The following CMYA5 variants were observed in gnomAD, a reference collection of about 807,000 sequenced individuals.
CMYA5 encodes the protein cardiomyopathy-associated protein 5.
A neutral mutation model predicts 318.9 loss-of-function variants in CMYA5; 246 were observed. That is an observed-to-expected ratio of 0.77 (90% CI 0.70 to 0.86). The LOEUF (loss-of-function observed/expected upper bound fraction) is 0.86. CMYA5 is among the 40% of genes least tolerant of loss of function. The pLI is 0.00. For synonymous variants in CMYA5, 1,641 were observed against 1,729.5 expected, an observed-to-expected ratio of 0.95 and a Z score of 1.27; for missense variants, 4,589 against 4,678.2, an observed-to-expected ratio of 0.98 and a Z score of 0.56.
At position 79,732,727 on chromosome 5, in the gene CMYA5, C is replaced by G. The variant is rs751984124; in HGVS notation, c.3962C>G (p.Ser1321Ter). 6.2e-7 allele frequency: 1 copy of G among 1,613,530 alleles called. No individual in the cohort carries two copies. Among genetic ancestry groups the G allele is most frequent in the Non-Finnish European group, 8.5e-7 (1 of 1,179,784 alleles). Reference sequence around the variant, plus strand: ...CCTATAGTGCTTCATTCAGCTTCCTCAGGAGTGGAAAAGCAAGTTGAACAT... The same window carrying G: ...CCTATAGTGCTTCATTCAGCTTCCTGAGGAGTGGAAAAGCAAGTTGAACAT... ...TTPIVLHSAS[S>*]GVEKQVEHGP... is the part of the protein sequence containing the mutation. Residue 1321 changes from serine to a stop codon, truncating the protein, a stop_gained, in exon 2 of 13, where the codon TCA becomes TGA. Transcript: ENST00000446378. LOFTEE classifies it high-confidence loss of function.
In CMYA5 at chr5:79,747,187, A is replaced by C. The variant is rs367563985; in HGVS notation, c.10991+74A>C. 9.4e-5 allele frequency: 133 copies of C among 1,412,492 alleles called. 2 individuals are homozygous for C. In the South Asian group the frequency reaches 1.7e-3, roughly 19 times the overall value. 87.5% of individuals were successfully genotyped at this position (1,412,492 alleles called of 1,614,324 possible). A position where few individuals can be genotyped will look rare whatever the true frequency, so the allele number is the denominator to read the frequency against. On this transcript the variant is annotated intron_variant, in intron 5 of 12. Transcript: ENST00000446378. ...TTGCTTTTTAATATTTTGGTGCTTT[A>C]TGGAAAATGAGCTGCCAATTAAAAA...
rs772406636 is a variant in CMYA5 at position 79,763,075 on chromosome 5, T to C, written c.11421T>C (p.Pro3807=). 3.1e-6 allele frequency: 5 copies of C among 1,613,568 alleles called. No individual in the cohort carries two copies. Among genetic ancestry groups the C allele is most frequent in the Middle Eastern group, 1.6e-4 (1 of 6,068 alleles). Residue 3807 remains proline (P), a synonymous_variant, in exon 9 of 13, where the codon CCT becomes CCC. Coordinates refer to ENST00000446378, the MANE Select transcript of CMYA5 (RefSeq NM_153610.5). ...CTCTTTCTGCAGCACCCTCCACCCC[T>C]GTGATCCGCGCTGAGGACTGTACTG... is the stretch of plus-strand genomic sequence containing the variant. The part of the protein sequence containing the change: ...RAIFRTAPST[P]VIRAEDCTVC...
In CMYA5 at chr5:79,773,893, C is replaced by T. The variant is rs1828896234; in HGVS notation, c.11555+10684C>T. 2.0e-5 allele frequency among the ~76,000 whole-genome samples: 3 copies of T among 151,958 alleles called. No individual in the cohort carries two copies. In the South Asian group the frequency reaches 6.2e-4, roughly 32 times the overall value. ...AAAGCTCTGGTATGGTGTAGGAAGA[C>T]AAGTTGAAAGGAAATGAAAAACAAA... On this transcript the variant is annotated intron_variant, in intron 9 of 12. Coordinates refer to ENST00000446378, the MANE Select transcript of CMYA5 (RefSeq NM_153610.5).
Position 79,735,515 on chromosome 5 carries a change from A to G in CMYA5, c.6750A>G (p.Arg2250=). Residue 2250 remains arginine, a synonymous_variant, in exon 2 of 13, where the codon AGA becomes AGG. Transcript: ENST00000446378. ...EVKLKTADEP[R]GTLVKSGDGQ... ...AACTTAAAACTGCTGATGAACCCAG[A>G]GGTACTTTAGTAAAATCTGGTGACG... 6.2e-7 allele frequency: 1 copy of G among 1,613,304 alleles called. No homozygotes were observed. The highest frequency in any genetic ancestry group is 2.2e-5 in the East Asian group (1 of 44,872).
chr5:79,709,081 T>G (rs1464558188), intron 1 of CMYA5, among the ~76,000 whole-genome samples: 2 of 152,138 alleles, frequency 1.3e-5, no homozygotes, highest in Non-Finnish European at 2.9e-5. Flanking sequence ...GACACTTTGG[T>G]TTTCTACAAA....
Position 79,737,821 on chromosome 5 carries a change from A to G in CMYA5, c.9056A>G (p.Asn3019Ser), listed in dbSNP as rs1233353857. 1.1e-5 allele frequency: 17 copies of G among 1,605,852 alleles called. No homozygotes were observed. Among genetic ancestry groups the G allele is most frequent in the Non-Finnish European group, 1.4e-5 (17 of 1,177,996 alleles). Reference sequence around the variant, plus strand: ...GAAAAAGTTACCCCATTGAAAGAAAATAAACAAAAGGAAACTCATAAGACA... The same window carrying G: ...GAAAAAGTTACCCCATTGAAAGAAAGTAAACAAAAGGAAACTCATAAGACA... ...EDEKVTPLKE[N>S]KQKETHKTKE... The change falls in exon 2 of 13, where the codon AAT becomes AGT. Residue 3019 changes from asparagine (N) to serine (S), a missense_variant. This residue lies in a region of CMYA5 where 2,431 missense variants were observed against 2,495.1 expected (regional missense o/e 0.97). Coordinates refer to ENST00000446378, the MANE Select transcript of CMYA5 (RefSeq NM_153610.5).
intron 9 of CMYA5, among the ~76,000 whole-genome samples, chr5:79,768,315 G>A (rs1429798885): frequency 1.3e-5 from 2 of 152,042 alleles, no homozygotes; most frequent in African/African-American, 4.8e-5. Flanking sequence ...GGTTAATATT[G>A]TTTTATGTGA....
At position 79,738,200 on chromosome 5, in the gene CMYA5, G is replaced by A. The variant is rs1580776748; in HGVS notation, c.9435G>A (p.Lys3145=). 6.2e-7 allele frequency: 1 copy of A among 1,613,890 alleles called. No homozygotes were observed. Among genetic ancestry groups the A allele is most frequent in the African/African-American group, 1.3e-5 (1 of 75,044 alleles). Residue 3145 remains lysine, a synonymous_variant, in exon 2 of 13, where the codon AAG becomes AAA. Transcript: ENST00000446378. The stretch of plus-strand genomic sequence containing the variant: ...ACAGGAATGTTTCAAAGGACACAAA[G>A]AGAGATGTGGACTCAAAGTCACCGG... ...SADRNVSKDT[K]RDVDSKSPGM...
At position 79,739,049 on chromosome 5, in the gene CMYA5, T is replaced by A. The variant is rs765855845; in HGVS notation, c.10284T>A (p.His3428Gln). 1 of 1,613,910 alleles carries A rather than the reference T, an allele frequency of 6.2e-7. No individual in the cohort carries two copies. The highest frequency in any genetic ancestry group is 8.5e-7 in the Non-Finnish European group (1 of 1,179,858). Residue 3428 changes from histidine (H) to glutamine (Q), a missense_variant, in exon 2 of 13, where the codon CAT becomes CAA. This residue lies in a region of CMYA5 where 2,431 missense variants were observed against 2,495.1 expected (regional missense o/e 0.97). Transcript: ENST00000446378. ...QDEYEFTESL[H>Q]NEVVPQDILS... Reference sequence around the variant, plus strand: ...AGTATGAATTTACAGAATCCCTGCATAATGAAGTGGTTCCTCAAGACATAT... The same window carrying A: ...AGTATGAATTTACAGAATCCCTGCAAAATGAAGTGGTTCCTCAAGACATAT...
At chr5:79,699,344 A>G (rs1827133570) in intron 1 of CMYA5, among the ~76,000 whole-genome samples, 1 of 152,140 alleles carries the variant, frequency 6.6e-6, no homozygotes, top group African/African-American at 2.4e-5. Context: ...TTGTGCCAAG[A>G]TAATAAAGGG....
At chr5:79,740,682 C>T (rs1828192069) in intron 2 of CMYA5, among the ~76,000 whole-genome samples, 1 of 152,126 alleles carries the variant, frequency 6.6e-6, no homozygotes, top group African/African-American at 2.4e-5. Context: ...ATAAATACTC[C>T]ACTTCCCTGA....
At chr5:79,716,761 G>T (rs931294161) in intron 1 of CMYA5, among the ~76,000 whole-genome samples, 1 of 152,100 alleles carries the variant, frequency 6.6e-6, no homozygotes, top group African/African-American at 2.4e-5. Flanking sequence ...TACAGGTGAG[G>T]GCTTAGGTAA....
chr5:79,701,821 C>T (rs1307774188), intron 1 of CMYA5, among the ~76,000 whole-genome samples: 1 of 152,106 alleles, frequency 6.6e-6, no homozygotes, highest in African/African-American at 2.4e-5. Flanking sequence ...ACCCAAATGT[C>T]CATTAACTAA....
chr5:79,703,304 C>T (rs942736206), intron 1 of CMYA5, among the ~76,000 whole-genome samples: 1 of 152,136 alleles, frequency 6.6e-6, no homozygotes, highest in African/African-American at 2.4e-5. Flanking sequence ...ACAGATAAAA[C>T]CATATGAGGT....
intron 1 of CMYA5, among the ~76,000 whole-genome samples, chr5:79,727,136 A>G (rs932630834): frequency 6.6e-6 from 1 of 152,072 alleles, no homozygotes; most frequent in East Asian, 1.9e-4. Flanking sequence ...GGCTGGTCTC[A>G]AACTCCTGAC....
chr5:79,785,378 A>G (rs745669204), intron 9 of CMYA5, among the ~76,000 whole-genome samples: 12 of 152,124 alleles, frequency 7.9e-5, no homozygotes, highest in Non-Finnish European at 1.6e-4. Flanking sequence ...TTTATAGATT[A>G]ACTTAGGGAG....
Position 79,734,424 on chromosome 5 carries a change from A to AT in CMYA5, c.5662dup (p.Ser1888PhefsTer5). The AT allele has an allele frequency of 6.2e-7, 1 of 1,613,722 alleles. No individual in the cohort carries two copies. Among genetic ancestry groups the AT allele is most frequent in the Non-Finnish European group, 8.5e-7 (1 of 1,179,768 alleles). On this transcript the variant is annotated frameshift_variant, in exon 2 of 13. Transcript: ENST00000446378. LOFTEE classifies it high-confidence loss of function. Reference sequence around the variant, plus strand: ...AGAAACAAAAATGGAAGAATTCTTTATTTCTCCAAAGGATGAAAACTGGAT... The same window carrying AT: ...AGAAACAAAAATGGAAGAATTCTTTATTTTCTCCAAAGGATGAAAACTGGAT...
chr5:79,702,619 G>A (rs1827194660), intron 1 of CMYA5, among the ~76,000 whole-genome samples: 1 of 152,134 alleles, frequency 6.6e-6, no homozygotes, highest in African/African-American at 2.4e-5. Flanking sequence ...AAGGGATTAG[G>A]GGTGATGCTT....
chr5:79,710,086 C>T (rs568703149), intron 1 of CMYA5, among the ~76,000 whole-genome samples: 2 of 150,888 alleles, frequency 1.3e-5, no homozygotes, highest in African/African-American at 4.9e-5. Flanking sequence ...TTATATATTC[C>T]TACTAACAGT....
Sources: gnomAD v4.1 joint callset for allele counts (sites outside exome capture counted in the v4.1 genomes callset) on GRCh38, gnomAD v4.1.1 for gene constraint, gnomAD v4.1.1 regional missense constraint, MANE v1.5 for transcripts, NCBI Gene and HGNC (gene_info 2026-07-23, HGNC 2026-07-21) for gene names.